The following ITFG1 variants were observed in gnomAD, a reference collection of about 807,000 sequenced individuals.
ITFG1 encodes T-cell immunomodulatory protein.
ITFG1 carries 34 observed loss-of-function variants against 81.8 expected under a neutral mutation model. The ratio of observed to expected loss-of-function variants is 0.42; its 90% CI spans 0.32 to 0.55. ITFG1 has a LOEUF of 0.55. Among genes scored for constraint, ITFG1 ranks in the 20% least tolerant of loss-of-function variants. The pLI, the probability that ITFG1 is intolerant of heterozygous loss-of-function variation, is 0.17. For synonymous variants in ITFG1, 285 were observed against 270.6 expected, an observed-to-expected ratio of 1.05 and a Z score of -0.52; for missense variants, 672 against 755.4, an observed-to-expected ratio of 0.89 and a Z score of 1.29.
intron 10 of ITFG1, among the ~76,000 whole-genome samples, chr16:47,278,819 A>C (rs1396151311): frequency 1.3e-5 from 2 of 152,178 alleles, no homozygotes; most frequent in African/African-American, 2.4e-5. Flanking sequence ...AATTATGTCA[A>C]CCTAAATATT....
At chr16:47,449,252 A>G (rs1224050332) in intron 5 of ITFG1, 2 of 152,240 alleles carry the variant, frequency 1.3e-5, no homozygotes, top group Admixed American at 1.3e-4. Context: ...ATAAAGCATA[A>G]TATTTAAGTT....
chr16:47,361,850 C>G (rs1274809073), intron 8 of ITFG1, among the ~76,000 whole-genome samples: 1 of 152,164 alleles, frequency 6.6e-6, no homozygotes, highest in Non-Finnish European at 1.5e-5. Flanking sequence ...TTTCTCCCTA[C>G]TTAGCCCTCT....
Position 47,311,304 on chromosome 16 carries a change from T to C in ITFG1, c.1006A>G (p.Ile336Val), listed in dbSNP as rs751499258. Residue 336 changes from isoleucine to valine, a missense_variant, in exon 10 of 18, where the codon ATT becomes GTT. Ile to Val is a conservative substitution (Grantham distance 29). Coordinates refer to ENST00000320640, the MANE Select transcript of ITFG1 (RefSeq NM_030790.5). ...TEIPIPITLH[I>V]GDYNMDGYPD... ...TAGCCATCCATATTGTAGTCTCCAA[T>C]ATGAAGGGTAATTGGAATTGGTATT... The C allele has an allele frequency of 1.2e-6, 2 of 1,613,412 alleles. No homozygotes were observed. The highest frequency in any genetic ancestry group is 1.3e-5 in the African/African-American group (1 of 74,888).
intron 4 of ITFG1, 55 bp downstream of exon 4, chr16:47,452,678 T>C (rs1969403826): frequency 2.5e-6 from 3 of 1,209,562 alleles, no homozygotes; most frequent in South Asian, 2.7e-5. Flanking sequence ...TATGTGAAGA[T>C]TTTATTTTAT....
chr16:47,337,771 G>T (rs1355135311), intron 8 of ITFG1, among the ~76,000 whole-genome samples: 1 of 152,180 alleles, frequency 6.6e-6, no homozygotes, highest in East Asian at 1.9e-4. Flanking sequence ...GTATGGTGGC[G>T]TTCAGAAAAC....
intron 6 of ITFG1, among the ~76,000 whole-genome samples, chr16:47,407,808 G>A (rs1346455902): frequency 6.6e-6 from 1 of 152,186 alleles, no homozygotes; most frequent in East Asian, 1.9e-4. Flanking sequence ...ATGGCTAGTA[G>A]GCAGTTGCTA....
Position 47,369,666 on chromosome 16 carries a change from CT to C in ITFG1, c.721-3798del, listed in dbSNP as rs531569811. ...TTTTGTTATGAAACAAACAATACTA[CT>C]TTTTTTTATACTGTACTATTTTTTA... On this transcript the variant is annotated intron_variant, in intron 7 of 17. Coordinates refer to ENST00000320640, the MANE Select transcript of ITFG1 (RefSeq NM_030790.5). Among the ~76,000 whole-genome samples, 254 of 151,902 alleles carry C rather than the reference CT, an allele frequency of 1.7e-3. 1 individual carries two copies. The highest frequency in any genetic ancestry group is 5.8e-3 in the African/African-American group (242 of 41,420).
intron 14 of ITFG1, among the ~76,000 whole-genome samples, chr16:47,182,399 AG>A (rs1838770340): frequency 6.6e-6 from 1 of 151,988 alleles, no homozygotes; most frequent in African/African-American, 2.4e-5. Context: ...AAAAAAAAAA[AG>A]AAAATATGGT....
intron 10 of ITFG1, among the ~76,000 whole-genome samples, chr16:47,281,498 A>C (rs576926512): frequency 6.6e-6 from 1 of 152,310 alleles, no homozygotes; most frequent in Admixed American, 6.5e-5. Flanking sequence ...TAGTGAAACT[A>C]TCTGGGCCTG....
intron 10 of ITFG1, among the ~76,000 whole-genome samples, chr16:47,292,883 C>T (rs1159525856): frequency 6.7e-6 from 1 of 149,600 alleles, no homozygotes; most frequent in Non-Finnish European, 1.5e-5. Context: ...ATTTTACAAT[C>T]TATGTCCATT....
intron 10 of ITFG1, among the ~76,000 whole-genome samples, chr16:47,267,873 T>C (rs1278769775): frequency 6.6e-6 from 1 of 152,118 alleles, no homozygotes; most frequent in Non-Finnish European, 1.5e-5. Context: ...CAAGATTTGT[T>C]GTATGTCACT....
intron 12 of ITFG1, among the ~76,000 whole-genome samples, chr16:47,238,729 T>C (rs938072555): frequency 1.3e-5 from 2 of 152,204 alleles, no homozygotes; most frequent in Non-Finnish European, 2.9e-5. Flanking sequence ...CTGATAGTTC[T>C]CAGTGGGCAC....
At chr16:47,399,866 T>C (rs573872198) in intron 6 of ITFG1, among the ~76,000 whole-genome samples, 1 of 152,352 alleles carries the variant, frequency 6.6e-6, no homozygotes, top group African/African-American at 2.4e-5. Context: ...TTTCTCTACA[T>C]ATGTATGCTT....
chr16:47,206,758 T>G (rs942512112), intron 14 of ITFG1, among the ~76,000 whole-genome samples: 4 of 152,204 alleles, frequency 2.6e-5, no homozygotes, highest in Non-Finnish European at 2.9e-5. Context: ...TGCCATCTCC[T>G]TAACACATCC....
intron 8 of ITFG1, among the ~76,000 whole-genome samples, chr16:47,314,874 T>A (rs1967327918): frequency 6.6e-6 from 1 of 152,188 alleles, no homozygotes; most frequent in East Asian, 1.9e-4. Flanking sequence ...TGCTTCATTG[T>A]ATATTTAGTG....
chr16:47,454,707 T>C (rs1969430549), intron 2 of ITFG1, among the ~76,000 whole-genome samples: 1 of 152,150 alleles, frequency 6.6e-6, no homozygotes, highest in Non-Finnish European at 1.5e-5. Flanking sequence ...TCCAAACATA[T>C]ATATCTAACT....
At chr16:47,271,129 CTT>C (rs1966334769) in intron 10 of ITFG1, among the ~76,000 whole-genome samples, 1 of 152,062 alleles carries the variant, frequency 6.6e-6, no homozygotes, top group South Asian at 2.1e-4. Context: ...CAAAAATAAA[CTT>C]GACATCATCA....
intron 6 of ITFG1, among the ~76,000 whole-genome samples, chr16:47,425,430 G>A (rs1056343077): frequency 6.6e-6 from 1 of 152,128 alleles, no homozygotes; most frequent in African/African-American, 2.4e-5. Flanking sequence ...CCCTGCTTCA[G>A]CTTGCCCTCC....
At chr16:47,256,359 G>C (rs959752410) in intron 12 of ITFG1, among the ~76,000 whole-genome samples, 1 of 152,126 alleles carries the variant, frequency 6.6e-6, no homozygotes, top group Non-Finnish European at 1.5e-5. Context: ...TATCCCTAAG[G>C]AATCAAATCC....
Sources: allele counts gnomAD v4.1 joint callset (sites outside exome capture counted in the v4.1 genomes callset), GRCh38; gene constraint gnomAD v4.1.1; transcripts MANE v1.5; gene names NCBI Gene and HGNC (gene_info 2026-07-23, HGNC 2026-07-21).